Variants in OGFRL1 observed in about 807,000 individuals in gnomAD.
OGFRL1 encodes opioid growth factor receptor like 1, also known as opioid growth factor receptor-like protein 1.
OGFRL1 carries 26 observed loss-of-function variants against 32.4 expected under a neutral mutation model. The observed-to-expected ratio is 0.80, with a 90% CI of 0.59 to 1.11. The LOEUF (loss-of-function observed/expected upper bound fraction) is 1.11. Among genes scored for constraint, OGFRL1 ranks in the 50% most tolerant of loss-of-function variants. The pLI is 0.00. For synonymous variants in OGFRL1, 211 were observed against 201.2 expected (o/e 1.05, Z -0.41); for missense variants, 521 against 546.4 (o/e 0.95, Z 0.46).
intron 6 of OGFRL1, among the ~76,000 whole-genome samples, chr6:71,299,284 G>A (rs1456964623): frequency 6.6e-6 from 1 of 151,980 alleles, no homozygotes; most frequent in Non-Finnish European, 1.5e-5. Flanking sequence ...ACCCTAAGAT[G>A]GTTTATACAT....
intron 6 of OGFRL1, 133 bp downstream of exon 6, chr6:71,296,950 T>G (rs1163874830): frequency 1.4e-5 from 14 of 975,732 alleles, no homozygotes; most frequent in African/African-American, 3.3e-5. Flanking sequence ...TAGTCTGAAA[T>G]GCATTACATT....
intron 6 of OGFRL1, among the ~76,000 whole-genome samples, chr6:71,297,191 C>T (rs1766237274): frequency 6.6e-6 from 1 of 152,004 alleles, no homozygotes; most frequent in South Asian, 2.1e-4. Flanking sequence ...TCTTGGGGCA[C>T]AATCTGTTTC....
rs1333630172 is a variant in OGFRL1, at chr6:71,288,969, C to A, written c.33C>A (p.Arg11=). Residue 11 remains arginine, a synonymous_variant, in exon 1 of 7, where the codon CGC becomes CGA. Transcript: ENST00000370435. ...ACCTGCTCGGCGGGGTCAGCTTCCG[C>A]GAGCCCACCACCGTGGAGGACTGCG... MGNLLGGVSF[R]EPTTVEDCDS... is the part of the protein sequence containing the mutation. The A allele has an allele frequency of 7.2e-7, 1 of 1,391,016 alleles. No individual in the cohort carries two copies. Among genetic ancestry groups the A allele is most frequent in the Non-Finnish European group, 9.5e-7 (1 of 1,057,270 alleles). The allele number at this position is 1,391,016 out of a possible 1,614,324, so 86.2% of individuals were successfully genotyped here. A position where few individuals can be genotyped will look rare whatever the true frequency, so the allele number is the denominator to read the frequency against.
chr6:71,293,373 G>T lies in OGFRL1; in HGVS notation c.315G>T (p.Gln105His), dbSNP rs762979538. Residue 105 changes from glutamine to histidine, a missense_variant, in exon 2 of 7, where the codon CAG becomes CAT. By Grantham distance (24) the Gln-to-His change is conservative. Coordinates refer to ENST00000370435, the MANE Select transcript of OGFRL1 (RefSeq NM_024576.5). Reference protein sequence around the residue: ...AARDLYKYRHQYPNFKDIRYQ... With the variant: ...AARDLYKYRHHYPNFKDIRYQ... ...GGGATTTGTACAAGTACCGACACCA[G>T]TACCCAGTAAGAGTATAGAATGCTA... The T allele has an allele frequency of 6.2e-7, 1 of 1,613,538 alleles. No individual in the cohort carries two copies. The highest frequency in any genetic ancestry group is 1.7e-5 in the Admixed American group (1 of 59,946).
chr6:71,296,734 A>C lies in OGFRL1; in HGVS notation c.609A>C (p.Glu203Asp). ...RFLLAYKMML[E>D]FFGIKLTDKT... ...TCCTGGCTTATAAAATGATGCTAGAATTTTTTGGAATAAAACTGACTGATA... is the reference window on the plus strand; with the variant it reads ...TCCTGGCTTATAAAATGATGCTAGACTTTTTTGGAATAAAACTGACTGATA... Residue 203 changes from glutamate (E) to aspartate (D), a missense_variant, in exon 6 of 7, where the codon GAA becomes GAC. Physicochemically the swap from Glu to Asp is conservative, Grantham distance 45 (BLOSUM62 2). Transcript: ENST00000370435. The C allele has an allele frequency of 3.1e-6, 5 of 1,613,694 alleles. No individual in the cohort carries two copies. Among genetic ancestry groups the C allele is most frequent in the Non-Finnish European group, 4.2e-6 (5 of 1,179,740 alleles).
chr6:71,297,602 C>T (rs1299211158), intron 6 of OGFRL1, among the ~76,000 whole-genome samples: 2 of 151,858 alleles, frequency 1.3e-5, no homozygotes, highest in Non-Finnish European at 2.9e-5. Context: ...CCTATACAGC[C>T]ACCAGCTTTA....
In OGFRL1 at chr6:71,304,286, G is replaced by A. The variant is rs965117764; in HGVS notation, c.*2237G>A. 3 of 152,056 alleles carry A rather than the reference G, an allele frequency of 2.0e-5. No homozygotes were observed. The highest frequency in any genetic ancestry group is 7.2e-5 in the African/African-American group (3 of 41,422). The allele number at this position is 152,056 out of a possible 1,614,324, so 9.4% of individuals were successfully genotyped here. ...TAGTGTTCTGTGAGTATTAGGATTT[G>A]GCAATCTGCTTTTGCATTTCAATTT... On this transcript the variant is annotated 3_prime_UTR_variant, in exon 7 of 7. Transcript: ENST00000370435.
rs146800581 is a variant in OGFRL1 at position 71,301,737 on chromosome 6, C to T, written c.1044C>T (p.Asp348=). The change falls in exon 7 of 7, where the codon GAC becomes GAT. Residue 348 remains aspartate, a synonymous_variant. Transcript: ENST00000370435. The part of the protein sequence containing the change: ...SQTSMHKKAK[D]SKNSSSAVHL... ...CTTCTATGCACAAAAAAGCCAAGGA[C>T]TCCAAAAATTCCTCCTCAGCTGTTC... The T allele has an allele frequency of 6.2e-7, 1 of 1,613,776 alleles. No individual in the cohort carries two copies. Among genetic ancestry groups the T allele is most frequent in the African/African-American group, 1.3e-5 (1 of 74,882 alleles).
intron 6 of OGFRL1, 144 bp from the exon 7 acceptor site, chr6:71,301,242 T>C (rs1019781569): frequency 2.9e-6 from 2 of 687,524 alleles, no homozygotes; most frequent in African/African-American, 3.6e-5. Flanking sequence ...TTCTTAATGG[T>C]ATCAAATATG....
rs1282797628 is a variant in OGFRL1, at chr6:71,303,355, G to C, written c.*1306G>C. The C allele has an allele frequency of 6.6e-6, 1 of 152,144 alleles. No individual in the cohort carries two copies. The highest frequency in any genetic ancestry group is 2.4e-5 in the African/African-American group (1 of 41,440). 9.4% of individuals were successfully genotyped at this position (152,144 alleles called of 1,614,324 possible). On this transcript the variant is annotated 3_prime_UTR_variant, in exon 7 of 7. Coordinates refer to ENST00000370435, the MANE Select transcript of OGFRL1 (RefSeq NM_024576.5). The stretch of plus-strand genomic sequence containing the variant: ...GGATGATCTATATTGAAATCTACAT[G>C]GAACAGAGTGGGACTTCTAATTGTA...
At position 71,298,539 on chromosome 6, in the gene OGFRL1, T is replaced by A. The variant is rs148339441; in HGVS notation, c.692+1722T>A. ...CTTGGAGTTTTGTTATCATATCCTC[T>A]GATTTATAGGTGGAAACAGAGTCTC... is the stretch of plus-strand genomic sequence containing the variant. On this transcript the variant is annotated intron_variant, in intron 6 of 6. Coordinates refer to ENST00000370435, the MANE Select transcript of OGFRL1 (RefSeq NM_024576.5). 5.9e-5 allele frequency among the ~76,000 whole-genome samples: 9 copies of A among 152,342 alleles called. No individual in the cohort carries two copies. The East Asian group carries it at 1.5e-3, about 26-fold the overall frequency.
intron 6 of OGFRL1, among the ~76,000 whole-genome samples, chr6:71,300,468 GAAATAAGATTTAAAATT>G (rs1204689281): frequency 1.3e-5 from 2 of 152,124 alleles, no homozygotes; most frequent in African/African-American, 2.4e-5. Context: ...AAGACCATTA[GAAATAAGATTTAAAATT>G]ATCAGATAGG....
In OGFRL1 at chr6:71,301,484, A is replaced by G; in HGVS notation, c.791A>G (p.His264Arg). ...FKSPLVKFILHEALVENTIPN... is the reference protein window; with the variant it reads ...FKSPLVKFILREALVENTIPN... ...TCTCCTCTTGTAAAATTTATTCTTCATGAAGCTCTTGTGGAGAATACTATT... is the reference window on the plus strand; with the variant it reads ...TCTCCTCTTGTAAAATTTATTCTTCGTGAAGCTCTTGTGGAGAATACTATT... Residue 264 changes from histidine to arginine, a missense_variant, in exon 7 of 7, where the codon CAT becomes CGT. Transcript: ENST00000370435. 6.2e-7 allele frequency: 1 copy of G among 1,613,546 alleles called. No homozygotes were observed. Among genetic ancestry groups the G allele is most frequent in the South Asian group, 1.1e-5 (1 of 90,912 alleles).
intron 3 of OGFRL1, among the ~76,000 whole-genome samples, chr6:71,294,714 T>C (rs1451626737): frequency 6.6e-6 from 1 of 152,210 alleles, no homozygotes; most frequent in African/African-American, 2.4e-5. Flanking sequence ...TATTTACTAA[T>C]GATAGAAATG....
chr6:71,304,616 T>G lies in OGFRL1; in HGVS notation c.*2567T>G, dbSNP rs1366163176. The stretch of plus-strand genomic sequence containing the variant: ...TTTGAATTACTTAGAAATTGTATAT[T>G]AGAGCCCTTATGAGTAAAAACATTT... On this transcript the variant is annotated 3_prime_UTR_variant, in exon 7 of 7. Transcript: ENST00000370435. 3.3e-5 allele frequency: 5 copies of G among 152,138 alleles called. No homozygotes were observed. Among genetic ancestry groups the G allele is most frequent in the Non-Finnish European group, 7.4e-5 (5 of 67,958 alleles). The allele number at this position is 152,138 out of a possible 1,614,324, so 9.4% of individuals were successfully genotyped here.
rs1766505987 is a variant in OGFRL1 at position 71,304,991 on chromosome 6, G to C, written c.*2942G>C. ...ATGTATTTATGTGTGTCTTATATATGAAACAGTGCTCTGGGTTTGACTCCT... is the reference window on the plus strand; with the variant it reads ...ATGTATTTATGTGTGTCTTATATATCAAACAGTGCTCTGGGTTTGACTCCT... On this transcript the variant is annotated 3_prime_UTR_variant, in exon 7 of 7. Coordinates refer to ENST00000370435, the MANE Select transcript of OGFRL1 (RefSeq NM_024576.5). 1 of 151,952 alleles carries C rather than the reference G, an allele frequency of 6.6e-6. No homozygotes were observed. The highest frequency in any genetic ancestry group is 1.5e-5 in the Non-Finnish European group (1 of 67,870). 9.4% of individuals were successfully genotyped at this position (151,952 alleles called of 1,614,324 possible). A position where few individuals can be genotyped will look rare whatever the true frequency, so the allele number is the denominator to read the frequency against.
chr6:71,303,814 A>G lies in OGFRL1; in HGVS notation c.*1765A>G, dbSNP rs1006749981. The stretch of plus-strand genomic sequence containing the variant: ...GAACAATTAATTTTGTTTCTATATT[A>G]TTACTAATTATTATTACAAATCAAA... On this transcript the variant is annotated 3_prime_UTR_variant, in exon 7 of 7. Coordinates refer to ENST00000370435, the MANE Select transcript of OGFRL1 (RefSeq NM_024576.5). 6.6e-6 allele frequency: 1 copy of G among 152,188 alleles called. No homozygotes were observed. Among genetic ancestry groups the G allele is most frequent in the Admixed American group, 6.5e-5 (1 of 15,274 alleles). 9.4% of individuals were successfully genotyped at this position (152,188 alleles called of 1,614,324 possible).
rs745527543 is a variant in OGFRL1, at chr6:71,301,715, C to T, written c.1022C>T (p.Ser341Phe). The change falls in exon 7 of 7, where the codon TCT becomes TTT. Residue 341 changes from serine (S) to phenylalanine (F), a missense_variant. Ser to Phe is a radical substitution (Grantham distance 155). Transcript: ENST00000370435. ...GCCTCCAGTCATAACAGTCAAACTT[C>T]TATGCACAAAAAAGCCAAGGACTCC... ...PLASSHNSQT[S>F]MHKKAKDSKN... 2 of 1,613,948 alleles carry T rather than the reference C, an allele frequency of 1.2e-6. No individual in the cohort carries two copies. Among genetic ancestry groups the T allele is most frequent in the Non-Finnish European group, 1.7e-6 (2 of 1,180,024 alleles).
chr6:71,293,223 T>G, intron 1 of OGFRL1, 70 bp from the exon 2 acceptor site: 1 of 1,305,362 alleles, frequency 7.7e-7, no homozygotes, highest in Non-Finnish European at 1.1e-6. Context: ...TTCCTTAAGT[T>G]TGTTCTGGAA....
Sources: gnomAD v4.1 joint callset for allele counts (sites outside exome capture counted in the v4.1 genomes callset) on GRCh38, gnomAD v4.1.1 for gene constraint, MANE v1.5 for transcripts, NCBI Gene and HGNC (gene_info 2026-07-23, HGNC 2026-07-21) for gene names.